PIK3R2: variants seen among roughly 807,000 people sequenced by gnomAD.
The protein encoded by PIK3R2 is phosphatidylinositol 3-kinase regulatory subunit beta.
Under a neutral mutation model 78.5 loss-of-function variants are expected in PIK3R2, and 40 were observed. The ratio of observed to expected loss-of-function variants is 0.51; its 90% CI spans 0.40 to 0.66. The LOEUF (loss-of-function observed/expected upper bound fraction) is 0.66, where lower values mean the gene tolerates loss of function less well. Ranked by LOEUF, PIK3R2 falls within the 30% of genes least tolerant of loss-of-function variation. The pLI, the probability that PIK3R2 is intolerant of heterozygous loss-of-function variation, is 0.00. For missense variants in PIK3R2, 880 were observed against 1,026.6 expected, an observed-to-expected ratio of 0.86 and a Z score of 1.95; for synonymous variants, 473 against 457.7, an observed-to-expected ratio of 1.03 and a Z score of -0.43.
At position 18,156,226 on chromosome 19, in the gene PIK3R2, A is replaced by G. The variant is rs2043678810; in HGVS notation, c.322+25A>G. Reference sequence around the variant, plus strand: ...GGTGAGCAGCAAGCAGGGGCCCTGGAAAGGGGGGTGGTCCCCTCAGACCCT... The same window carrying G: ...GGTGAGCAGCAAGCAGGGGCCCTGGGAAGGGGGGTGGTCCCCTCAGACCCT... On this transcript the variant is annotated intron_variant, in intron 2 of 15. Coordinates refer to ENST00000222254, the MANE Select transcript of PIK3R2 (RefSeq NM_005027.4). The surrounding 1 kb of genome is among the most constrained non-coding windows in gnomAD (Gnocchi z 4.2). 2.1e-6 allele frequency: 3 copies of G among 1,455,978 alleles called. No individual in the cohort carries two copies. 90.2% of individuals were successfully genotyped at this position (1,455,978 alleles called of 1,614,324 possible).
At chr19:18,162,898 A>G in intron 9 of PIK3R2, 69 bp from the exon 10 acceptor site, 1 of 1,453,208 alleles carries the variant, frequency 6.9e-7, no homozygotes, top group Non-Finnish European at 9.4e-7. Flanking sequence ...GTCTCAAAAA[A>G]AAAGGGGACA....
Position 18,158,516 on chromosome 19 carries a change from C to CAAA in PIK3R2, c.323-1951_323-1949dup, listed in dbSNP as rs58831824. On this transcript the variant is annotated intron_variant, in intron 2 of 15. Coordinates refer to ENST00000222254, the MANE Select transcript of PIK3R2 (RefSeq NM_005027.4). ...AAAAAAACAACAACAACAACAACAA[C>CAAA]AAAAAACGAGGAGGCCAAGGCAAGT... Among the ~76,000 whole-genome samples, 260 of 147,626 alleles carry CAAA rather than the reference C, an allele frequency of 1.8e-3. 4 individuals are homozygous for CAAA. Among genetic ancestry groups the CAAA allele is most frequent in the African/African-American group, 6.2e-3 (248 of 39,874 alleles).
At position 18,167,684 on chromosome 19, in the gene PIK3R2, C is replaced by T. The variant is rs2043823553; in HGVS notation, c.1736+378C>T. Among the ~76,000 whole-genome samples, 1 of 151,982 alleles carries T rather than the reference C, an allele frequency of 6.6e-6. No individual in the cohort carries two copies. The highest frequency in any genetic ancestry group is 2.1e-4 in the South Asian group (1 of 4,826). The stretch of plus-strand genomic sequence containing the variant: ...ACCAGCCTGGCCAACATGGTGAAAC[C>T]CCGTCTCTACTAAAAATAAAAAATA... On this transcript the variant is annotated intron_variant, in intron 13 of 15. Transcript: ENST00000222254. The surrounding 1 kb of genome is among the most constrained non-coding windows in gnomAD (Gnocchi z 4.5).
In PIK3R2 at chr19:18,166,280, G is replaced by A; in HGVS notation, c.1537G>A (p.Gly513Ser). 6.2e-7 allele frequency: 1 copy of A among 1,614,120 alleles called. No homozygotes were observed. ...ATACCTGGAGCGCTTCCGGCGTGAG[G>A]GCAACGAGAAAGAGATGCAAAGGTG... ...KEYLERFRREGNEKEMQRILL... is the reference protein window; with the variant it reads ...KEYLERFRRESNEKEMQRILL... Residue 513 changes from glycine (G) to serine (S), a missense_variant, in exon 12 of 16, where the codon GGC becomes AGC. Transcript: ENST00000222254.
rs563277567 is a variant in PIK3R2 at position 18,163,635 on chromosome 19, G to A, written c.1416+247G>A. The stretch of plus-strand genomic sequence containing the variant: ...GCCCAACAGTTCAAGATCCTTCTAG[G>A]CAACATAGGGAGACCCGTCTACAAA... On this transcript the variant is annotated intron_variant, in intron 11 of 15. Coordinates refer to ENST00000222254, the MANE Select transcript of PIK3R2 (RefSeq NM_005027.4). Among the ~76,000 whole-genome samples the A allele has an allele frequency of 1.0e-3, 157 of 152,208 alleles. 1 individual carries two copies. The highest frequency in any genetic ancestry group is 3.6e-3 in the African/African-American group (151 of 41,526).
At chr19:18,158,547 G>T (rs940489387) in intron 2 of PIK3R2, among the ~76,000 whole-genome samples, 1 of 150,866 alleles carries the variant, frequency 6.6e-6, no homozygotes, top group Non-Finnish European at 1.5e-5. Context: ...CAAGTGGATC[G>T]TTAGGGGCCA....
chr19:18,161,022 T>G lies in PIK3R2; in HGVS notation c.467-32T>G. The G allele has an allele frequency of 6.2e-7, 1 of 1,611,402 alleles. No individual in the cohort carries two copies. Among genetic ancestry groups the G allele is most frequent in the South Asian group, 1.1e-5 (1 of 90,680 alleles). Reference sequence around the variant, plus strand: ...AGGAGGCTGGGGGCCCCAGTACACATGAGTTGGACGTGTGCCCCCCTGCAC... The same window carrying G: ...AGGAGGCTGGGGGCCCCAGTACACAGGAGTTGGACGTGTGCCCCCCTGCAC... On this transcript the variant is annotated intron_variant, in intron 4 of 15. Transcript: ENST00000222254. This position sits in a 1 kb window ranked among gnomAD's most constrained non-coding sequence, Gnocchi z 5.3.
chr19:18,157,197 T>C (rs1008513034), intron 2 of PIK3R2, among the ~76,000 whole-genome samples: 3 of 152,190 alleles, frequency 2.0e-5, no homozygotes, highest in African/African-American at 7.2e-5. Context: ...GGTGCGACGC[T>C]GGCCCCAGCC....
At chr19:18,166,468 T>C (rs1405062837) in intron 12 of PIK3R2, among the ~76,000 whole-genome samples, 166 bp downstream of exon 12, 2 of 152,196 alleles carry the variant, frequency 1.3e-5, no homozygotes, top group East Asian at 1.9e-4. Context: ...CCCAGCACTT[T>C]AGGAGGCCGA....
In PIK3R2 at chr19:18,169,519, C is replaced by A; in HGVS notation, c.*225C>A. On this transcript the variant is annotated 3_prime_UTR_variant, in exon 16 of 16. Transcript: ENST00000222254. ...TGTCTTTCTTGGCCCCTGTCTCTCT[C>A]CATGTTGGGGGTCCTAACTCCCCCA... The A allele has an allele frequency of 3.0e-6, 1 of 338,110 alleles. No homozygotes were observed. The highest frequency in any genetic ancestry group is 5.4e-6 in the Non-Finnish European group (1 of 185,774). 20.9% of individuals were successfully genotyped at this position (338,110 alleles called of 1,614,324 possible).
chr19:18,162,913 T>G (rs2043766103), intron 9 of PIK3R2, 54 bp from the exon 10 acceptor site: 1 of 1,526,258 alleles, frequency 6.6e-7, no homozygotes, highest in Non-Finnish European at 9.0e-7. Flanking sequence ...GGGACAGGGA[T>G]TGAGGGTCAG....
chr19:18,164,002 CT>C (rs1383698900), intron 11 of PIK3R2, among the ~76,000 whole-genome samples: 1 of 148,686 alleles, frequency 6.7e-6, no homozygotes, highest in Non-Finnish European at 1.5e-5. Context: ...TGGCGGACGC[CT>C]GTAATCCCAG....
rs1249222995 is a variant in PIK3R2 at position 18,168,692 on chromosome 19, C to T, written c.1809-34C>T. The stretch of plus-strand genomic sequence containing the variant: ...GCCTCGGAGGCTGGCAGGTGAGTGA[C>T]CAGGGCCCTCCCCGCCACCGCCCCC... On this transcript the variant is annotated intron_variant, in intron 14 of 15. Transcript: ENST00000222254. The surrounding 1 kb of genome is among the most constrained non-coding windows in gnomAD (Gnocchi z 4.1). 3.2e-6 allele frequency: 5 copies of T among 1,563,702 alleles called. No homozygotes were observed. In the South Asian group the frequency reaches 4.5e-5, roughly 14 times the overall value.
In PIK3R2 at chr19:18,160,476, A is replaced by T; in HGVS notation, c.328A>T (p.Thr110Ser). The T allele has an allele frequency of 6.2e-7, 1 of 1,610,350 alleles. No individual in the cohort carries two copies. Among genetic ancestry groups the T allele is most frequent in the Non-Finnish European group, 8.5e-7 (1 of 1,176,906 alleles). The change falls in exon 3 of 16, where the codon ACA becomes TCA. Residue 110 changes from threonine (T) to serine (S), a missense_variant. This residue lies in a region of PIK3R2 where 456 missense variants were observed against 486.6 expected (regional missense o/e 0.94). Transcript: ENST00000222254. ...CCCCCTGTTTCCCCCACCAGGCCTC[A>T]CACTCCCCGACTTGCCCGAGCAGTT... The part of the protein sequence containing the change: ...PRDGAPEPGL[T>S]LPDLPEQFSP...
intron 3 of PIK3R2, 141 bp from the exon 4 acceptor site, chr19:18,160,778 C>G: frequency 9.3e-7 from 1 of 1,080,988 alleles, no homozygotes. Flanking sequence ...GTGCCCTCTC[C>G]CAGTTCTCCC....
rs767288109 is a variant in PIK3R2, at chr19:18,155,989, C to T, written c.110C>T (p.Ala37Val). ...PGDVLVVSRA[A>V]LQALGVAEGG... is the part of the protein sequence containing the mutation. ...GACGTGCTGGTAGTGAGCCGGGCGGCCTTGCAGGCGCTGGGCGTGGCCGAG... is the reference window on the plus strand; with the variant it reads ...GACGTGCTGGTAGTGAGCCGGGCGGTCTTGCAGGCGCTGGGCGTGGCCGAG... Residue 37 changes from alanine (A) to valine (V), a missense_variant, in exon 2 of 16, where the codon GCC (alanine) becomes GTC (valine). Physicochemically the swap from Ala to Val is moderately conservative, Grantham distance 64. Around this residue, in one of 3 missense-constraint regions of PIK3R2, gnomAD observed 456 missense variants for 486.6 expected, o/e 0.94. Coordinates refer to ENST00000222254, the MANE Select transcript of PIK3R2 (RefSeq NM_005027.4). 1 of 1,559,820 alleles carries T rather than the reference C, an allele frequency of 6.4e-7. No individual in the cohort carries two copies. The highest frequency in any genetic ancestry group is 1.2e-5 in the South Asian group (1 of 84,948).
Position 18,167,075 on chromosome 19 carries a change from G to A in PIK3R2, c.1560-55G>A. On this transcript the variant is annotated intron_variant, in intron 12 of 15. Coordinates refer to ENST00000222254, the MANE Select transcript of PIK3R2 (RefSeq NM_005027.4). This position sits in a 1 kb window ranked among gnomAD's most constrained non-coding sequence, Gnocchi z 4.5. ...CACCTGAGCCCAGGAGTTTGAGGGT[G>A]CAGTGAGCCGAGATAAAACCCTGAG... 1.3e-5 allele frequency: 18 copies of A among 1,437,556 alleles called. No individual in the cohort carries two copies. Among genetic ancestry groups the A allele is most frequent in the Non-Finnish European group, 1.6e-5 (17 of 1,082,136 alleles). 89.1% of individuals were successfully genotyped at this position (1,437,556 alleles called of 1,614,324 possible).
chr19:18,168,952 T>C lies in PIK3R2; in HGVS notation c.1979+56T>C. The C allele has an allele frequency of 6.4e-7, 1 of 1,574,440 alleles. No individual in the cohort carries two copies. The highest frequency in any genetic ancestry group is 8.7e-7 in the Non-Finnish European group (1 of 1,154,948). ...CGTCCCTCCCAGAGCTCTCATTGAA[T>C]GCCTGCCGCGTGCCAGGCCTTGGGA... On this transcript the variant is annotated intron_variant, in intron 15 of 15. Coordinates refer to ENST00000222254, the MANE Select transcript of PIK3R2 (RefSeq NM_005027.4). This position sits in a 1 kb window ranked among gnomAD's most constrained non-coding sequence, Gnocchi z 4.1.
At position 18,160,516 on chromosome 19, in the gene PIK3R2, T is replaced by A. The variant is rs1305198696; in HGVS notation, c.368T>A (p.Val123Glu). ...CCCGAGCAGTTCTCCCCACCTGATGTGGCTCCCCCTCTTCTGGTGAAGCTT... is the reference window on the plus strand; with the variant it reads ...CCCGAGCAGTTCTCCCCACCTGATGAGGCTCCCCCTCTTCTGGTGAAGCTT... The part of the protein sequence containing the change: ...DLPEQFSPPD[V>E]APPLLVKLVE... Residue 123 changes from valine (V) to glutamate (E), a missense_variant, in exon 3 of 16, where the codon GTG becomes GAG. Transcript: ENST00000222254. 7 of 1,613,842 alleles carry A rather than the reference T, an allele frequency of 4.3e-6. No individual in the cohort carries two copies. Among genetic ancestry groups the A allele is most frequent in the Non-Finnish European group, 5.9e-6 (7 of 1,179,908 alleles).
Sources: allele counts gnomAD v4.1 joint callset (sites outside exome capture counted in the v4.1 genomes callset), GRCh38; gene constraint gnomAD v4.1.1; regional missense constraint gnomAD v4.1.1; non-coding constraint Gnocchi (gnomAD v3.1); transcripts MANE v1.5; gene names NCBI Gene and HGNC (gene_info 2026-07-23, HGNC 2026-07-21).